The following MAST4 variants were observed in gnomAD, a reference collection of about 807,000 sequenced individuals.
The protein encoded by MAST4 is microtubule associated serine/threonine kinase family member 4.
MAST4 carries 89 observed loss-of-function variants against 162.7 expected under a neutral mutation model. The ratio of observed to expected loss-of-function variants is 0.55; its 90% CI spans 0.46 to 0.65. The LOEUF is 0.65. Ranked by LOEUF, MAST4 falls within the 30% of genes least tolerant of loss-of-function variation. MAST4 has a pLI of 0.00. For synonymous variants in MAST4, 1,479 were observed against 1,361.1 expected, an observed-to-expected ratio of 1.09 and a Z score of -1.91; for missense variants, 3,153 against 3,374.0, an observed-to-expected ratio of 0.93 and a Z score of 1.62.
At chr5:66,761,715 G>A (rs1051567212) in intron 2 of MAST4, among the ~76,000 whole-genome samples, 4 of 152,048 alleles carry the variant, frequency 2.6e-5, no homozygotes, top group Admixed American at 6.6e-5. Context: ...CTCAGGCCAA[G>A]GGGGAGAAAT....
chr5:66,850,435 C>A (rs1486999758), intron 3 of MAST4, among the ~76,000 whole-genome samples: 1 of 152,126 alleles, frequency 6.6e-6, no homozygotes, highest in African/African-American at 2.4e-5. Context: ...TTCTGTGTGG[C>A]CACATTGAAC....
chr5:67,107,621 A>G (rs1765741576), intron 10 of MAST4, among the ~76,000 whole-genome samples: 1 of 152,220 alleles, frequency 6.6e-6, no homozygotes, highest in African/African-American at 2.4e-5. Context: ...CCCAGGATGC[A>G]GTTGTCAGTT....
chr5:66,970,461 T>A (rs1747296214), intron 4 of MAST4, among the ~76,000 whole-genome samples: 1 of 152,194 alleles, frequency 6.6e-6, no homozygotes, highest in African/African-American at 2.4e-5. Flanking sequence ...TGAGGTCAGA[T>A]GGCAAGCAGA....
chr5:66,640,347 G>T (rs1245497719), intron 1 of MAST4, among the ~76,000 whole-genome samples: 13 of 140,246 alleles, frequency 9.3e-5, no homozygotes, highest in African/African-American at 1.4e-4. Flanking sequence ...TCGCTCTGTT[G>T]CCCAGGCTGC....
intron 6 of MAST4, chr5:67,093,759 A>G: frequency 2.6e-6 from 1 of 387,940 alleles, no homozygotes; most frequent in South Asian, 1.9e-5. Context: ...AAACAAAATC[A>G]TGGTGGGGAG....
chr5:66,624,704 C>T (rs1744309703), intron 1 of MAST4, among the ~76,000 whole-genome samples: 1 of 152,030 alleles, frequency 6.6e-6, no homozygotes, highest in South Asian at 2.1e-4. Context: ...GATATACTGG[C>T]CAGTGGAAAA....
At chr5:66,895,530 C>T (rs1762629625) in intron 3 of MAST4, among the ~76,000 whole-genome samples, 1 of 152,096 alleles carries the variant, frequency 6.6e-6, no homozygotes, top group Non-Finnish European at 1.5e-5. Flanking sequence ...ACTGTTTTTC[C>T]ATCAAACTCC....
chr5:66,788,766 A>G lies in MAST4; in HGVS notation c.614A>G (p.Gln205Arg). The G allele has an allele frequency of 6.2e-7, 1 of 1,603,070 alleles. No individual in the cohort carries two copies. Among genetic ancestry groups the G allele is most frequent in the Non-Finnish European group, 8.5e-7 (1 of 1,174,166 alleles). The change falls in exon 3 of 29, where the codon CAG (glutamine) becomes CGG (arginine). Residue 205 changes from glutamine to arginine, a missense_variant. Physicochemically the swap from Gln to Arg is conservative, Grantham distance 43. Transcript: ENST00000403625. ...CGCATGCGCAGCCAGGCCCTGGGCC[A>G]GTCGGCGCCCTCGCTCACCGCCAGC... ...LVRMRSQALG[Q>R]SAPSLTASLK...
rs143793660 is a variant in MAST4 at position 66,883,589 on chromosome 5, C to T, written c.643-16362C>T. 6.8e-3 allele frequency among the ~76,000 whole-genome samples: 1,031 copies of T among 151,826 alleles called. 11 individuals are homozygous for T. The highest frequency in any genetic ancestry group is 0.024 in the African/African-American group (976 of 41,382). On this transcript the variant is annotated intron_variant, in intron 3 of 28. Transcript: ENST00000403625. Reference sequence around the variant, plus strand: ...GACTACAGGTGCGCACCACCAGACCCGGCTAATTTTTGTATTTTTAGTAGA... The same window carrying T: ...GACTACAGGTGCGCACCACCAGACCTGGCTAATTTTTGTATTTTTAGTAGA...
At chr5:66,770,666 T>A (rs984751652) in intron 2 of MAST4, among the ~76,000 whole-genome samples, 1 of 152,202 alleles carries the variant, frequency 6.6e-6, no homozygotes, top group Non-Finnish European at 1.5e-5. Context: ...ATGAGGACTT[T>A]AAGAATCAGA....
At chr5:66,843,548 A>T (rs1286170288) in intron 3 of MAST4, among the ~76,000 whole-genome samples, 1 of 152,184 alleles carries the variant, frequency 6.6e-6, no homozygotes, top group Non-Finnish European at 1.5e-5. Context: ...ATTTTCTGAT[A>T]CAGTCTTCAA....
chr5:66,939,544 C>T lies in MAST4; in HGVS notation c.674+39562C>T, dbSNP rs193272900. Reference sequence around the variant, plus strand: ...GTTAGTTATTCTTTTCTGAGAAATACCAATTCATATTTTGCCATTATGTAT... The same window carrying T: ...GTTAGTTATTCTTTTCTGAGAAATATCAATTCATATTTTGCCATTATGTAT... On this transcript the variant is annotated intron_variant, in intron 4 of 28. Transcript: ENST00000403625. Among the ~76,000 whole-genome samples the T allele has an allele frequency of 2.2e-3, 331 of 152,134 alleles. 3 individuals are homozygous for T. The highest frequency in any genetic ancestry group is 6.0e-3 in the Admixed American group (92 of 15,260).
intron 4 of MAST4, among the ~76,000 whole-genome samples, chr5:67,039,431 G>A (rs537483615): frequency 3.5e-4 from 53 of 152,334 alleles, no homozygotes; most frequent in African/African-American, 1.3e-3. Context: ...ACAGTGAACA[G>A]GAACTCTCTG....
chr5:66,649,305 G>A (rs909434816), intron 1 of MAST4, among the ~76,000 whole-genome samples: 1 of 152,184 alleles, frequency 6.6e-6, no homozygotes, highest in African/African-American at 2.4e-5. Flanking sequence ...TCAAATGAGA[G>A]GTGAGAAAAA....
chr5:66,655,960 AT>A (rs1026108859), intron 1 of MAST4, among the ~76,000 whole-genome samples: 1 of 152,198 alleles, frequency 6.6e-6, no homozygotes, highest in African/African-American at 2.4e-5. Context: ...GAAAATATTT[AT>A]TGAAAATGTA....
intron 10 of MAST4, among the ~76,000 whole-genome samples, chr5:67,105,218 G>A (rs896491731): frequency 5.3e-5 from 8 of 152,098 alleles, no homozygotes; most frequent in East Asian, 1.9e-4. Flanking sequence ...AAATTGACCA[G>A]CCACAGCCTA....
chr5:66,893,022 G>A lies in MAST4; in HGVS notation c.643-6929G>A, dbSNP rs115934555. 5.9e-3 allele frequency among the ~76,000 whole-genome samples: 894 copies of A among 152,256 alleles called. 9 individuals are homozygous for A. Among genetic ancestry groups the A allele is most frequent in the African/African-American group, 0.02 (838 of 41,548 alleles). On this transcript the variant is annotated intron_variant, in intron 3 of 28. Coordinates refer to ENST00000403625, the MANE Select transcript of MAST4 (RefSeq NM_001164664.2). ...TTATGAGAACTGATACCACAGTCTT[G>A]TTCATTTAGCTTTATGGCAGAAAAA...
At chr5:66,847,634 C>G (rs1417237405) in intron 3 of MAST4, among the ~76,000 whole-genome samples, 1 of 151,446 alleles carries the variant, frequency 6.6e-6, no homozygotes, top group African/African-American at 2.4e-5. Flanking sequence ...GACTCCATCT[C>G]AAAAAATAAA....
intron 1 of MAST4, among the ~76,000 whole-genome samples, chr5:66,739,059 TATC>T (rs1752333038): frequency 6.6e-6 from 1 of 152,152 alleles, no homozygotes; most frequent in African/African-American, 2.4e-5. Flanking sequence ...AGTGCTTTAT[TATC>T]AAGCAAAAAA....
Sources: gnomAD v4.1 joint callset for allele counts (sites outside exome capture counted in the v4.1 genomes callset) on GRCh38, gnomAD v4.1.1 for gene constraint, MANE v1.5 for transcripts, NCBI Gene and HGNC (gene_info 2026-07-23, HGNC 2026-07-21) for gene names.